The following MRPS31 variants were observed in gnomAD, a reference collection of about 807,000 sequenced individuals.
The protein encoded by MRPS31 is mitochondrial ribosomal protein S31, also known as small ribosomal subunit protein mS31.
Under a neutral mutation model 43.1 loss-of-function variants are expected in MRPS31, and 32 were observed. The ratio of observed to expected loss-of-function variants is 0.74; its 90% CI spans 0.56 to 1.00. The LOEUF (loss-of-function observed/expected upper bound fraction) is 1.00. Ranked by LOEUF, MRPS31 falls within the 50% of genes least tolerant of loss-of-function variation. The pLI, the probability that MRPS31 is intolerant of heterozygous loss-of-function variation, is 0.00. For synonymous variants in MRPS31, 165 were observed against 161.6 expected (o/e 1.02, Z -0.16); for missense variants, 437 against 466.7 (o/e 0.94, Z 0.59).
chr13:40,766,441 G>A (rs946342299), intron 2 of MRPS31, among the ~76,000 whole-genome samples: 1 of 152,042 alleles, frequency 6.6e-6, no homozygotes, highest in Non-Finnish European at 1.5e-5. Context: ...TTACAAGCAC[G>A]CACCACCATG....
At chr13:40,738,740 C>T (rs981113552) in intron 6 of MRPS31, among the ~76,000 whole-genome samples, 8 of 152,046 alleles carry the variant, frequency 5.3e-5, no homozygotes, top group Non-Finnish European at 8.8e-5. Context: ...ATTCAACAAC[C>T]TTCATGCTAA....
intron 6 of MRPS31, among the ~76,000 whole-genome samples, chr13:40,742,225 AAGG>A (rs1450111168): frequency 6.6e-6 from 1 of 152,210 alleles, no homozygotes; most frequent in Non-Finnish European, 1.5e-5. Context: ...CATTAAACAT[AAGG>A]AGGAAATCCT....
At chr13:40,758,344 C>T (rs767252677) in intron 3 of MRPS31, among the ~76,000 whole-genome samples, 15 of 152,132 alleles carry the variant, frequency 9.9e-5, no homozygotes, top group Non-Finnish European at 1.8e-4. Flanking sequence ...TGGGCATGAG[C>T]CAGCACACAT....
intron 6 of MRPS31, among the ~76,000 whole-genome samples, chr13:40,731,882 A>G (rs1879710028): frequency 6.6e-6 from 1 of 152,230 alleles, no homozygotes; most frequent in African/African-American, 2.4e-5. Flanking sequence ...TTTTTAACTT[A>G]GAATGCTCCA....
At chr13:40,730,201 A>G (rs138686041) in intron 6 of MRPS31, among the ~76,000 whole-genome samples, 1 of 152,252 alleles carries the variant, frequency 6.6e-6, no homozygotes, top group African/African-American at 2.4e-5. Flanking sequence ...GTTCATTTAC[A>G]ATGCCTAGCA....
rs143305402 is a variant in MRPS31, at chr13:40,755,857, C to G, written c.740+1016G>C. Reference sequence around the variant, plus strand: ...CTAATGTAGTTGCACAGAATCATGTCCAAGATGAATGATTCAGTTAAATAT... The same window carrying G: ...CTAATGTAGTTGCACAGAATCATGTGCAAGATGAATGATTCAGTTAAATAT... On this transcript the variant is annotated intron_variant, in intron 4 of 6. Coordinates refer to ENST00000323563, the MANE Select transcript of MRPS31 (RefSeq NM_005830.4). Among the ~76,000 whole-genome samples, 1,845 of 152,222 alleles carry G rather than the reference C, an allele frequency of 0.012. 223 individuals are homozygous for G. The East Asian group carries it at 0.28, about 23-fold the overall frequency.
intron 6 of MRPS31, among the ~76,000 whole-genome samples, chr13:40,741,037 T>C (rs1401673602): frequency 6.6e-6 from 1 of 151,436 alleles, no homozygotes; most frequent in Non-Finnish European, 1.5e-5. Flanking sequence ...AATGAATTCA[T>C]GTCTTACAAA....
intron 5 of MRPS31, among the ~76,000 whole-genome samples, chr13:40,753,498 G>C (rs533585417): frequency 1.3e-5 from 2 of 152,342 alleles, no homozygotes; most frequent in African/African-American, 4.8e-5. Flanking sequence ...AACTAGCAAT[G>C]TTGACAACTG....
intron 4 of MRPS31, among the ~76,000 whole-genome samples, chr13:40,755,247 A>G (rs1346657344): frequency 1.3e-5 from 2 of 152,226 alleles, no homozygotes; most frequent in Non-Finnish European, 2.9e-5. Context: ...TTTACGCTCC[A>G]TAACTCTCTT....
At chr13:40,751,785 ATATT>A (rs377539943) in intron 5 of MRPS31, among the ~76,000 whole-genome samples, 1 of 152,360 alleles carries the variant, frequency 6.6e-6, no homozygotes, top group African/African-American at 2.4e-5. Context: ...CAAGTATAGC[ATATT>A]TAAACAGTAC....
chr13:40,735,644 C>A (rs1593441362), intron 6 of MRPS31, among the ~76,000 whole-genome samples: 2 of 152,040 alleles, frequency 1.3e-5, no homozygotes, highest in South Asian at 2.2e-4. Context: ...AGCAGCCTAA[C>A]TGGGAGGCAC....
chr13:40,748,104 G>C (rs965742644), intron 6 of MRPS31, among the ~76,000 whole-genome samples: 3 of 152,058 alleles, frequency 2.0e-5, no homozygotes, highest in African/African-American at 7.2e-5. Flanking sequence ...ACTTATTTAG[G>C]CTTTTCCAAC....
intron 5 of MRPS31, 30 bp from the exon 6 acceptor site, chr13:40,749,311 CAA>C: frequency 6.6e-7 from 1 of 1,507,426 alleles, no homozygotes; most frequent in South Asian, 1.4e-5. Flanking sequence ...TAGATAACAA[CAA>C]GTCAATGTAA....
chr13:40,745,264 T>C (rs1156964805), intron 6 of MRPS31, among the ~76,000 whole-genome samples: 1 of 152,154 alleles, frequency 6.6e-6, no homozygotes, highest in African/African-American at 2.4e-5. Flanking sequence ...TTATTTTATT[T>C]ATTTTGAGAC....
At chr13:40,733,367 T>C (rs1255342549) in intron 6 of MRPS31, among the ~76,000 whole-genome samples, 1 of 151,976 alleles carries the variant, frequency 6.6e-6, no homozygotes, top group Non-Finnish European at 1.5e-5. Context: ...TGTAAGATAA[T>C]AGTTAAAGAA....
At chr13:40,770,751 G>T in intron 1 of MRPS31, 1 of 509,648 alleles carries the variant, frequency 2.0e-6, no homozygotes, top group Non-Finnish European at 3.5e-6. Context: ...AAACTGACAG[G>T]AGATGATGAC....
At chr13:40,767,574 C>T (rs950001724) in intron 1 of MRPS31, among the ~76,000 whole-genome samples, 1 of 152,210 alleles carries the variant, frequency 6.6e-6, no homozygotes, top group African/African-American at 2.4e-5. Context: ...TCACTAAGAA[C>T]TAAAACACAC....
chr13:40,754,143 C>G, intron 4 of MRPS31, 51 bp from the exon 5 acceptor site: 1 of 999,392 alleles, frequency 1.0e-6, no homozygotes, highest in Non-Finnish European at 1.5e-6. Flanking sequence ...TTTAAACTGT[C>G]AACAAAAACT....
At chr13:40,737,745 C>T (rs1446834676) in intron 6 of MRPS31, among the ~76,000 whole-genome samples, 1 of 151,954 alleles carries the variant, frequency 6.6e-6, no homozygotes, top group African/African-American at 2.4e-5. Flanking sequence ...CCAACGAGAA[C>T]AAAGACACAA....
Sources: gnomAD v4.1 joint callset for allele counts (sites outside exome capture counted in the v4.1 genomes callset) on GRCh38, gnomAD v4.1.1 for gene constraint, MANE v1.5 for transcripts, NCBI Gene and HGNC (gene_info 2026-07-23, HGNC 2026-07-21) for gene names.